Variants in PARM1 observed in about 807,000 individuals in gnomAD.
PARM1 encodes prostate androgen-regulated mucin-like protein 1, also known as WSC4, cell wall integrity and stress response component 4 homolog.
In PARM1, 14 loss-of-function variants were observed where a neutral mutation model predicts 24.6. That is an observed-to-expected ratio of 0.57 (90% CI 0.38 to 0.89). The LOEUF is 0.89. Among genes scored for constraint, PARM1 ranks in the 40% least tolerant of loss-of-function variants. The pLI, the probability that PARM1 is intolerant of heterozygous loss-of-function variation, is 0.00. For synonymous variants in PARM1, 179 were observed against 156.6 expected, an observed-to-expected ratio of 1.14 and a Z score of -1.07; for missense variants, 362 against 380.4, an observed-to-expected ratio of 0.95 and a Z score of 0.40.
At chr4:74,963,381 A>G (rs924081264) in intron 1 of PARM1, among the ~76,000 whole-genome samples, 1 of 152,252 alleles carries the variant, frequency 6.6e-6, no homozygotes. Context: ...ATTATTCTCA[A>G]TAGCCAAAAT....
chr4:75,024,013 T>C (rs1723134665), intron 2 of PARM1, among the ~76,000 whole-genome samples: 1 of 152,154 alleles, frequency 6.6e-6, no homozygotes. Context: ...GGCTCACGCC[T>C]GTAATCCCAG....
At chr4:74,995,992 G>T (rs994843149) in intron 1 of PARM1, among the ~76,000 whole-genome samples, 3 of 151,954 alleles carry the variant, frequency 2.0e-5, no homozygotes, top group Non-Finnish European at 4.4e-5. Context: ...CAGACATAAG[G>T]CTCTCATGTC....
intron 1 of PARM1, among the ~76,000 whole-genome samples, chr4:74,943,497 T>TAA (rs56709794): frequency 7.0e-4 from 101 of 143,958 alleles, no homozygotes; most frequent in African/African-American, 2.1e-3. Flanking sequence ...CAAAAAGCTG[T>TAA]AAAAAAAAAA....
At chr4:74,964,634 T>G (rs554699994) in intron 1 of PARM1, among the ~76,000 whole-genome samples, 1 of 152,092 alleles carries the variant, frequency 6.6e-6, no homozygotes, top group Non-Finnish European at 1.5e-5. Flanking sequence ...TTTAATACAC[T>G]TCATTTTTAT....
At chr4:74,982,048 T>C (rs1439466664) in intron 1 of PARM1, among the ~76,000 whole-genome samples, 1 of 152,078 alleles carries the variant, frequency 6.6e-6, no homozygotes, top group African/African-American at 2.4e-5. Context: ...TCAACCCAAA[T>C]GCCTGTCAAT....
In PARM1 at chr4:75,049,265, T is replaced by C. The variant is rs1723671812; in HGVS notation, c.*3018T>C. The C allele has an allele frequency of 6.6e-6, 1 of 152,258 alleles. No homozygotes were observed. The highest frequency in any genetic ancestry group is 2.4e-5 in the African/African-American group (1 of 41,468). The allele number at this position is 152,258 out of a possible 1,614,324, so 9.4% of individuals were successfully genotyped here. On this transcript the variant is annotated 3_prime_UTR_variant, in exon 4 of 4. Transcript: ENST00000307428. ...CTAAAATGGGGGTGATGCTTTCATATTGACCTCACCCCATACTACCTCACA... is the reference window on the plus strand; with the variant it reads ...CTAAAATGGGGGTGATGCTTTCATACTGACCTCACCCCATACTACCTCACA...
intron 1 of PARM1, among the ~76,000 whole-genome samples, chr4:75,002,792 G>T (rs932613707): frequency 5.3e-5 from 8 of 152,162 alleles, no homozygotes; most frequent in Non-Finnish European, 8.8e-5. Context: ...GCCTCTGGTG[G>T]ACCCAGCCGC....
intron 3 of PARM1, among the ~76,000 whole-genome samples, chr4:75,036,709 T>C (rs991446005): frequency 6.6e-6 from 1 of 152,222 alleles, no homozygotes; most frequent in African/African-American, 2.4e-5. Context: ...TGAGTGCTGA[T>C]TAAAATTTTA....
At position 75,012,797 on chromosome 4, in the gene PARM1, C is replaced by T. The variant is rs768477730; in HGVS notation, c.416C>T (p.Ser139Leu). ...GAAGCAGGCGTGGCAGCTACACTGT[C>T]GCAGTCCGCTGCTGAGCCTCCCACA... Reference protein sequence around the residue: ...TPEAGVAATLSQSAAEPPTLI... With the variant: ...TPEAGVAATLLQSAAEPPTLI... Residue 139 changes from serine (S) to leucine (L), a missense_variant, in exon 2 of 4, where the codon TCG becomes TTG. Physicochemically the swap from Ser to Leu is moderately radical, Grantham distance 145 (BLOSUM62 -2). Coordinates refer to ENST00000307428, the MANE Select transcript of PARM1 (RefSeq NM_015393.4). 1.1e-5 allele frequency: 18 copies of T among 1,613,870 alleles called. No homozygotes were observed. The highest frequency in any genetic ancestry group is 4.0e-5 in the African/African-American group (3 of 74,898).
At chr4:74,984,471 G>A (rs116352492) in intron 1 of PARM1, among the ~76,000 whole-genome samples, 2,634 of 152,226 alleles carry the variant, frequency 0.017, 62 homozygotes, top group African/African-American at 0.06. Context: ...GTACCATGTC[G>A]GGAAGCCTGA....
chr4:75,040,125 T>C (rs1269201834), intron 3 of PARM1, among the ~76,000 whole-genome samples: 1 of 152,184 alleles, frequency 6.6e-6, no homozygotes, highest in Non-Finnish European at 1.5e-5. Flanking sequence ...TGAGTCTGAA[T>C]AGGAAAGTTT....
At chr4:74,960,156 T>G (rs1203626771) in intron 1 of PARM1, among the ~76,000 whole-genome samples, 2 of 152,222 alleles carry the variant, frequency 1.3e-5, no homozygotes, top group African/African-American at 4.8e-5. Context: ...GATTGCTGAT[T>G]GCTGTGTCTA....
chr4:75,009,125 G>A (rs538087481), intron 1 of PARM1, among the ~76,000 whole-genome samples: 32 of 152,250 alleles, frequency 2.1e-4, no homozygotes, highest in Admixed American at 1.2e-3. Flanking sequence ...AAAGACCACC[G>A]TAACAGCATG....
chr4:74,978,522 A>G (rs1722181014), intron 1 of PARM1, among the ~76,000 whole-genome samples: 1 of 152,204 alleles, frequency 6.6e-6, no homozygotes, highest in South Asian at 2.1e-4. Flanking sequence ...GGAGAGTTTA[A>G]CACCCTACTG....
intron 1 of PARM1, among the ~76,000 whole-genome samples, chr4:74,951,405 T>C (rs1315586454): frequency 1.3e-5 from 2 of 152,216 alleles, no homozygotes; most frequent in African/African-American, 4.8e-5. Context: ...ACTTTTCCTT[T>C]GTTTGCATGC....
intron 3 of PARM1, among the ~76,000 whole-genome samples, chr4:75,042,742 G>C (rs1330525360): frequency 6.6e-6 from 1 of 151,928 alleles, no homozygotes; most frequent in Non-Finnish European, 1.5e-5. Flanking sequence ...AAATGTGTTT[G>C]TCTTACTCTT....
intron 3 of PARM1, among the ~76,000 whole-genome samples, chr4:75,042,866 AT>A (rs1344915191): frequency 6.6e-6 from 1 of 151,556 alleles, no homozygotes; most frequent in Non-Finnish European, 1.5e-5. Context: ...TACATTCCCA[AT>A]TTTGGTTCAT....
intron 1 of PARM1, among the ~76,000 whole-genome samples, chr4:74,936,111 A>C (rs1721178178): frequency 6.6e-6 from 1 of 152,234 alleles, no homozygotes; most frequent in Non-Finnish European, 1.5e-5. Context: ...CTGGGATGAC[A>C]GATGTGAGCC....
At chr4:74,936,328 A>G (rs1226045169) in intron 1 of PARM1, among the ~76,000 whole-genome samples, 2 of 152,192 alleles carry the variant, frequency 1.3e-5, no homozygotes, top group African/African-American at 4.8e-5. Context: ...CCCAAAACCA[A>G]GAAGGGAACG....
Sources: gnomAD v4.1 joint callset for allele counts (sites outside exome capture counted in the v4.1 genomes callset) on GRCh38, gnomAD v4.1.1 for gene constraint, MANE v1.5 for transcripts, NCBI Gene and HGNC (gene_info 2026-07-23, HGNC 2026-07-21) for gene names.